Variants in CEP112 observed in about 807,000 individuals in gnomAD.
CEP112 encodes the protein centrosomal protein 112.
A neutral mutation model predicts 153.0 loss-of-function variants in CEP112; 127 were observed. The ratio of observed to expected loss-of-function variants is 0.83; its 90% CI spans 0.72 to 0.96. The LOEUF is 0.96. CEP112 is among the 40% of genes least tolerant of loss of function. CEP112 has a pLI of 0.00. For missense variants in CEP112, 1,089 were observed against 1,101.2 expected, an observed-to-expected ratio of 0.99 and a Z score of 0.16; for synonymous variants, 358 against 374.4, an observed-to-expected ratio of 0.96 and a Z score of 0.51.
chr17:65,767,176 T>G (rs1286536454), intron 21 of CEP112, among the ~76,000 whole-genome samples: 1 of 152,052 alleles, frequency 6.6e-6, no homozygotes, highest in Non-Finnish European at 1.5e-5. Context: ...ATCAAAATCA[T>G]GTCAAGTATT....
At chr17:65,870,014 T>TGAGA (rs2058602781) in intron 20 of CEP112, among the ~76,000 whole-genome samples, 4 of 44,672 alleles carry the variant, frequency 9.0e-5, no homozygotes, top group African/African-American at 2.8e-4. Context: ...AGGTAGAGAA[T>TGAGA]AAGAAAGAAA....
intron 23 of CEP112, among the ~76,000 whole-genome samples, chr17:65,713,265 T>C (rs2049301967): frequency 6.6e-6 from 1 of 152,206 alleles, no homozygotes; most frequent in Non-Finnish European, 1.5e-5. Flanking sequence ...GTGGAAATCA[T>C]TAAAATTATT....
intron 21 of CEP112, among the ~76,000 whole-genome samples, chr17:65,810,749 A>G (rs1450627406): frequency 6.6e-6 from 1 of 152,098 alleles, no homozygotes; most frequent in Non-Finnish European, 1.5e-5. Flanking sequence ...AAAAATATTG[A>G]TATAAGAGAA....
At chr17:65,650,528 T>G (rs1315006501) in intron 24 of CEP112, among the ~76,000 whole-genome samples, 1 of 152,066 alleles carries the variant, frequency 6.6e-6, no homozygotes, top group Non-Finnish European at 1.5e-5. Flanking sequence ...GCTCAGTACC[T>G]GGAGGCTGTG....
At chr17:66,059,743 T>C (rs1433176899) in intron 11 of CEP112, among the ~76,000 whole-genome samples, 1 of 152,176 alleles carries the variant, frequency 6.6e-6, no homozygotes, top group Non-Finnish European at 1.5e-5. Flanking sequence ...AGTTTGGAGA[T>C]TTCTCAGGGA....
intron 24 of CEP112, among the ~76,000 whole-genome samples, chr17:65,659,867 C>G (rs1250864442): frequency 6.6e-6 from 1 of 152,174 alleles, no homozygotes; most frequent in African/African-American, 2.4e-5. Flanking sequence ...TGGAGGCCAT[C>G]ACAGAGGTGA....
At position 66,065,681 on chromosome 17, in the gene CEP112, G is replaced by T. The variant is rs567179001; in HGVS notation, c.955+1097C>A. 6.5e-4 allele frequency among the ~76,000 whole-genome samples: 96 copies of T among 148,808 alleles called. 1 individual carries two copies. Among genetic ancestry groups the T allele is most frequent in the African/African-American group, 2.3e-3 (93 of 40,072 alleles). The stretch of plus-strand genomic sequence containing the variant: ...GTCTTGCTCTGTTGCCCAGGCTGGA[G>T]TGCAGTGGCACGGTCTCGGCTCACT... On this transcript the variant is annotated intron_variant, in intron 10 of 26. Coordinates refer to ENST00000535342, the MANE Select transcript of CEP112 (RefSeq NM_001199165.4).
intron 7 of CEP112, 24 bp downstream of exon 7, chr17:66,096,561 A>G: frequency 2.0e-6 from 3 of 1,535,258 alleles, no homozygotes; most frequent in Non-Finnish European, 2.7e-6. Context: ...CCCCTAGAAA[A>G]AGTCCAATGG....
At chr17:65,819,089 C>T (rs1317171063) in intron 21 of CEP112, among the ~76,000 whole-genome samples, 2 of 151,770 alleles carry the variant, frequency 1.3e-5, no homozygotes, top group Non-Finnish European at 3.0e-5. Flanking sequence ...AAGTTTATTG[C>T]ACTGAATCTT....
intron 20 of CEP112, among the ~76,000 whole-genome samples, chr17:65,887,463 C>T (rs1270729745): frequency 6.6e-6 from 1 of 152,094 alleles, no homozygotes; most frequent in Non-Finnish European, 1.5e-5. Flanking sequence ...CATTTCCCAC[C>T]GCTTCAGGAC....
chr17:65,981,775 A>G (rs11079614), intron 17 of CEP112, among the ~76,000 whole-genome samples: 62,365 of 151,936 alleles, frequency 0.41, 14,247 homozygotes, highest in East Asian at 0.87. Context: ...GGGTTTCGCC[A>G]TATTGTCCAG....
rs183547070 is a variant in CEP112 at position 66,125,206 on chromosome 17, G to A, written c.642+4540C>T. Among the ~76,000 whole-genome samples, 528 of 152,302 alleles carry A rather than the reference G, an allele frequency of 3.5e-3. 2 individuals carry two copies. Among genetic ancestry groups the A allele is most frequent in the African/African-American group, 0.012 (493 of 41,570 alleles). ...TCTTATCAAAGTATTAATTTTTTAT[G>A]TAAACCACTCTCATAACTCTTCTTC... is the stretch of plus-strand genomic sequence containing the variant. On this transcript the variant is annotated intron_variant, in intron 6 of 26. Transcript: ENST00000535342.
chr17:65,847,123 T>C (rs1488383239), intron 21 of CEP112, among the ~76,000 whole-genome samples: 1 of 152,160 alleles, frequency 6.6e-6, no homozygotes, highest in African/African-American at 2.4e-5. Flanking sequence ...CACCAGCCTA[T>C]GTAAAAGAGA....
At chr17:65,893,951 A>G (rs1005095424) in intron 20 of CEP112, among the ~76,000 whole-genome samples, 36 of 152,086 alleles carry the variant, frequency 2.4e-4, no homozygotes, top group African/African-American at 8.7e-4. Context: ...CATTTCTTGC[A>G]CTTTGGCTTC....
chr17:65,826,054 C>T, intron 21 of CEP112: 1 of 1,354,362 alleles, frequency 7.4e-7, no homozygotes, highest in Non-Finnish European at 1.0e-6. Context: ...GATGAATTAC[C>T]AATGCCTAAC....
chr17:65,772,080 ATATACT>A (rs545418869), intron 21 of CEP112, among the ~76,000 whole-genome samples: 49 of 152,288 alleles, frequency 3.2e-4, no homozygotes, highest in Admixed American at 2.9e-3. Flanking sequence ...AAATGGAAGC[ATATACT>A]TATACAATGC....
chr17:65,696,263 G>C (rs1483524268), intron 23 of CEP112, among the ~76,000 whole-genome samples: 3 of 152,124 alleles, frequency 2.0e-5, no homozygotes, highest in Admixed American at 2.0e-4. Context: ...AATAGTGCCT[G>C]GCCTTTTCAC....
chr17:65,667,872 C>T (rs1263307571), intron 24 of CEP112, among the ~76,000 whole-genome samples: 4 of 150,772 alleles, frequency 2.7e-5, no homozygotes, highest in Admixed American at 6.6e-5. Flanking sequence ...AGAGGGAGGC[C>T]GACGACTGCG....
At chr17:65,971,124 TGAG>T (rs777110541) in intron 17 of CEP112, among the ~76,000 whole-genome samples, 1 of 152,184 alleles carries the variant, frequency 6.6e-6, no homozygotes, top group African/African-American at 2.4e-5. Flanking sequence ...CTTGCGTGTA[TGAG>T]ATTTATATTG....
Sources: allele counts gnomAD v4.1 joint callset (sites outside exome capture counted in the v4.1 genomes callset), GRCh38; gene constraint gnomAD v4.1.1; transcripts MANE v1.5; gene names NCBI Gene and HGNC (gene_info 2026-07-23, HGNC 2026-07-21).